CAMTA1: variants seen among roughly 807,000 people sequenced by gnomAD.
CAMTA1 encodes calmodulin-binding transcription activator 1.
Under a neutral mutation model 170.9 loss-of-function variants are expected in CAMTA1, and 27 were observed. That is an observed-to-expected ratio of 0.16 (90% CI 0.12 to 0.22). The LOEUF is 0.22. Ranked by LOEUF, CAMTA1 falls within the 10% of genes least tolerant of loss-of-function variation. The pLI is 1.00. For synonymous variants in CAMTA1, 833 were observed against 891.5 expected (o/e 0.93, Z 1.17); for missense variants, 1,619 against 2,217.2 (o/e 0.73, Z 5.42).
intron 5 of CAMTA1, among the ~76,000 whole-genome samples, chr1:7,306,029 T>C (rs1228072878): frequency 6.6e-6 from 1 of 152,048 alleles, no homozygotes; most frequent in East Asian, 1.9e-4. Flanking sequence ...TGCTGTTGAG[T>C]CAGATATGTG....
At chr1:7,313,079 C>A (rs1174812389) in intron 5 of CAMTA1, among the ~76,000 whole-genome samples, 1 of 152,118 alleles carries the variant, frequency 6.6e-6, no homozygotes, top group African/African-American at 2.4e-5. Flanking sequence ...CTCTCCCACC[C>A]CCCAGAACTA....
intron 5 of CAMTA1, among the ~76,000 whole-genome samples, chr1:7,350,170 A>T (rs867305246): frequency 1.3e-5 from 2 of 151,712 alleles, no homozygotes; most frequent in African/African-American, 4.8e-5. Flanking sequence ...GTTCTCCCCC[A>T]CTATCCCAGC....
At chr1:7,347,139 G>A (rs193163507) in intron 5 of CAMTA1, among the ~76,000 whole-genome samples, 7 of 152,336 alleles carry the variant, frequency 4.6e-5, no homozygotes, top group African/African-American at 1.2e-4. Context: ...CGGTGGCAGC[G>A]TCTGAGTAAC....
At chr1:7,409,239 G>A (rs569004411) in intron 5 of CAMTA1, among the ~76,000 whole-genome samples, 5 of 152,318 alleles carry the variant, frequency 3.3e-5, no homozygotes, top group African/African-American at 1.2e-4. Context: ...AGACAGAGCG[G>A]ACCAAGAGGG....
intron 5 of CAMTA1, among the ~76,000 whole-genome samples, chr1:7,321,948 C>T (rs996063873): frequency 4.6e-5 from 7 of 152,130 alleles, no homozygotes; most frequent in East Asian, 1.9e-4. Flanking sequence ...TATCTTGAGT[C>T]GAGGCACCAG....
At chr1:7,716,059 G>T (rs1042070873) in intron 11 of CAMTA1, among the ~76,000 whole-genome samples, 1 of 152,120 alleles carries the variant, frequency 6.6e-6, no homozygotes, top group Non-Finnish European at 1.5e-5. Flanking sequence ...TTGAAACAGG[G>T]TCTCACTCTG....
chr1:6,820,097 T>C, intron 1 of CAMTA1, 84 bp from the exon 2 acceptor site: 2 of 818,108 alleles, frequency 2.4e-6, no homozygotes, highest in Non-Finnish European at 4.2e-6. Context: ...ATTCAGGTTT[T>C]GCATCTTGGC....
chr1:7,080,900 A>G (rs550918556), intron 3 of CAMTA1, among the ~76,000 whole-genome samples: 4 of 152,240 alleles, frequency 2.6e-5, no homozygotes, highest in Non-Finnish European at 5.9e-5. Context: ...AGTGTTTCCA[A>G]AATATCAGGG....
intron 5 of CAMTA1, among the ~76,000 whole-genome samples, chr1:7,312,479 G>C (rs536790121): frequency 2.0e-5 from 3 of 152,136 alleles, no homozygotes; most frequent in Non-Finnish European, 4.4e-5. Flanking sequence ...TAGGAAGCTC[G>C]TGGCTCTTTC....
chr1:7,165,797 A>G (rs1007031395), intron 4 of CAMTA1, among the ~76,000 whole-genome samples: 5 of 152,210 alleles, frequency 3.3e-5, no homozygotes, highest in African/African-American at 1.2e-4. Context: ...TTAACAATAC[A>G]TGGCATTGTT....
intron 4 of CAMTA1, among the ~76,000 whole-genome samples, chr1:7,192,714 G>A (rs1011761401): frequency 6.6e-6 from 1 of 152,186 alleles, no homozygotes; most frequent in Non-Finnish European, 1.5e-5. Context: ...AAGGTAAGAC[G>A]TGTGACTCCC....
At position 7,664,066 on chromosome 1, in the gene CAMTA1, A is replaced by C. The variant is rs1433314663; in HGVS notation, c.1519A>C (p.Met507Leu). Residue 507 changes from methionine (M) to leucine (L), a missense_variant, in exon 9 of 23, where the codon ATG becomes CTG. Met to Leu is a conservative substitution (Grantham distance 15). This residue lies in a region of CAMTA1 where 731 missense variants were observed against 907.6 expected (regional missense o/e 0.81). Transcript: ENST00000303635. ...TYGGGGLKAE[M>L]VSSNIRHSPP... ...CGGGGGTGGAGGCCTGAAAGCCGAG[A>C]TGGTCAGCTCCAACATCCGGCACTC... 14 of 1,613,616 alleles carry C rather than the reference A, an allele frequency of 8.7e-6. No individual in the cohort carries two copies. In the South Asian group the frequency reaches 1.5e-4, roughly 18 times the overall value.
chr1:6,966,268 C>T (rs1236600495), intron 3 of CAMTA1, among the ~76,000 whole-genome samples: 14 of 152,174 alleles, frequency 9.2e-5, no homozygotes, highest in Admixed American at 9.2e-4. Context: ...AAACGTGCAA[C>T]CATTGCCCCA....
chr1:7,191,060 T>C (rs1654426230), intron 4 of CAMTA1, among the ~76,000 whole-genome samples: 1 of 152,236 alleles, frequency 6.6e-6, no homozygotes, highest in Non-Finnish European at 1.5e-5. Flanking sequence ...GTTGTGTTTG[T>C]AAGATTCAAG....
intron 3 of CAMTA1, chr1:6,874,484 G>T (rs1332794095): frequency 6.6e-6 from 1 of 152,208 alleles, no homozygotes; most frequent in Non-Finnish European, 1.5e-5. Flanking sequence ...CATGTAGTGT[G>T]GCTGATCCTC....
chr1:7,467,760 G>C, intron 5 of CAMTA1, 70 bp from the exon 6 acceptor site: 1 of 1,407,908 alleles, frequency 7.1e-7, no homozygotes, highest in African/African-American at 1.4e-5. Context: ...CTCCTTCTCT[G>C]TTGCGCCGTC....
chr1:7,607,729 A>G (rs1225535332), intron 6 of CAMTA1, among the ~76,000 whole-genome samples: 4 of 152,190 alleles, frequency 2.6e-5, no homozygotes, highest in Non-Finnish European at 5.9e-5. Context: ...GTGAATGGAA[A>G]AGTGGCATGA....
chr1:6,828,286 CTTTTTTTTT>C (rs746522147), intron 3 of CAMTA1, among the ~76,000 whole-genome samples: 2 of 69,746 alleles, frequency 2.9e-5, no homozygotes, highest in African/African-American at 1.3e-4. Context: ...TCATTCCATC[CTTTTTTTTT>C]TTTTTTTTTT....
intron 3 of CAMTA1, among the ~76,000 whole-genome samples, chr1:6,880,922 T>C (rs1417116377): frequency 6.6e-6 from 1 of 152,072 alleles, no homozygotes; most frequent in East Asian, 1.9e-4. Context: ...GGGAGAGGAA[T>C]AATAATAAAC....
Sources: gnomAD v4.1 joint callset for allele counts (sites outside exome capture counted in the v4.1 genomes callset) on GRCh38, gnomAD v4.1.1 for gene constraint, gnomAD v4.1.1 regional missense constraint, MANE v1.5 for transcripts, NCBI Gene and HGNC (gene_info 2026-07-23, HGNC 2026-07-21) for gene names.